MSL2: variants seen among roughly 807,000 people sequenced by gnomAD.
MSL2 encodes the protein MSL complex subunit 2.
Under a neutral mutation model 35.8 loss-of-function variants are expected in MSL2, and 2 were observed. The ratio of observed to expected loss-of-function variants is 0.06; its 90% CI spans 0.02 to 0.18. The LOEUF (loss-of-function observed/expected upper bound fraction) is 0.18, where lower values mean the gene tolerates loss of function less well. Ranked by LOEUF, MSL2 falls within the 10% of genes least tolerant of loss-of-function variation. The pLI, the probability that MSL2 is intolerant of heterozygous loss-of-function variation, is 1.00. For missense variants in MSL2, 523 were observed against 706.7 expected, an observed-to-expected ratio of 0.74 and a Z score of 2.95; for synonymous variants, 296 against 255.7, an observed-to-expected ratio of 1.16 and a Z score of -1.50.
chr3:136,183,577 C>G (rs1408785932), intron 1 of MSL2, among the ~76,000 whole-genome samples: 1 of 152,124 alleles, frequency 6.6e-6, no homozygotes, highest in Non-Finnish European at 1.5e-5. Context: ...ACGCACCAAC[C>G]ATGTCCAGCT....
intron 1 of MSL2, chr3:136,194,398 C>CTT: frequency 4.1e-6 from 4 of 985,184 alleles, no homozygotes; most frequent in Non-Finnish European, 4.8e-6. Flanking sequence ...GTCTCACCAG[C>CTT]TAAAAAGCAC....
At chr3:136,167,920 A>C (rs1175303495) in intron 1 of MSL2, among the ~76,000 whole-genome samples, 2 of 152,232 alleles carry the variant, frequency 1.3e-5, no homozygotes, top group Non-Finnish European at 2.9e-5. Context: ...CCTACAAAAG[A>C]CAGGAAACAG....
rs1285643932 is a variant in MSL2, at chr3:136,150,591, ACTG to A, written c.*553_*555del. 1 of 152,710 alleles carries A rather than the reference ACTG, an allele frequency of 6.5e-6. No individual in the cohort carries two copies. Among genetic ancestry groups the A allele is most frequent in the Non-Finnish European group, 1.5e-5 (1 of 68,114 alleles). 9.5% of individuals were successfully genotyped at this position (152,710 alleles called of 1,614,324 possible). On this transcript the variant is annotated 3_prime_UTR_variant, in exon 2 of 2. Coordinates refer to ENST00000309993, the MANE Select transcript of MSL2 (RefSeq NM_018133.4). Reference sequence around the variant, plus strand: ...ATGAGGGGGAATTTTTTTTCATAATACTGCTGATTTAAGAACTGCTACATACAC... The same window carrying A: ...ATGAGGGGGAATTTTTTTTCATAATACTGATTTAAGAACTGCTACATACAC...
intron 1 of MSL2, among the ~76,000 whole-genome samples, chr3:136,176,515 C>CAA (rs771021498): frequency 0.056 from 2,947 of 53,018 alleles, 70 homozygotes; most frequent in African/African-American, 0.095. Context: ...GACCCTCTCT[C>CAA]AAAAAAAAAA....
In MSL2 at chr3:136,178,962, G is replaced by GT. The variant is rs568589182; in HGVS notation, c.142+16009dup. Among the ~76,000 whole-genome samples the GT allele has an allele frequency of 3.4e-4, 48 of 140,688 alleles. No individual in the cohort carries two copies. The East Asian group carries it at 0.011, about 31-fold the overall frequency. The allele number at this position is 140,688 out of a possible 152,430, so 92.3% of individuals were successfully genotyped here. ...TCTGAGGATGCTGCCCAGGAATGTA[G>GT]TTATTTTGTTGGTTTTCTTTTTTTT... is the stretch of plus-strand genomic sequence containing the variant. On this transcript the variant is annotated intron_variant, in intron 1 of 1. Transcript: ENST00000309993.
At chr3:136,187,869 G>A (rs1940566476) in intron 1 of MSL2, among the ~76,000 whole-genome samples, 1 of 152,084 alleles carries the variant, frequency 6.6e-6, no homozygotes, top group Admixed American at 6.6e-5. Flanking sequence ...TCAGTCTGGT[G>A]TGATGATTAG....
chr3:136,168,439 C>G (rs543716283), intron 1 of MSL2, among the ~76,000 whole-genome samples: 53 of 152,192 alleles, frequency 3.5e-4, no homozygotes, highest in African/African-American at 1.1e-3. Context: ...CCATAAAAAA[C>G]GATGAGTTCA....
At chr3:136,171,533 C>CA (rs1428573766) in intron 1 of MSL2, among the ~76,000 whole-genome samples, 1 of 152,192 alleles carries the variant, frequency 6.6e-6, no homozygotes, top group East Asian at 1.9e-4. Context: ...GCAGCACACC[C>CA]ACTAGCTAAA....
At chr3:136,167,949 G>A (rs554846073) in intron 1 of MSL2, among the ~76,000 whole-genome samples, 2 of 150,882 alleles carry the variant, frequency 1.3e-5, no homozygotes, top group East Asian at 2.0e-4. Context: ...TTTTATTGAC[G>A]AGAACCACAT....
Position 136,151,589 on chromosome 3 carries a change from T to A in MSL2, c.1292A>T (p.Asp431Val), listed in dbSNP as rs989212101. ...AGGAATCTTTTCCTTTACTGCTTTG[T>A]CTTTTTTAAGAATACCTGGCTTGGT... ...SKTKPGILKK[D>V]KAVKEKIPSH... Residue 431 changes from aspartate (D) to valine (V), a missense_variant, in exon 2 of 2, where the codon GAC (aspartate) becomes GTC (valine). Physicochemically the swap from Asp to Val is radical, Grantham distance 152 (BLOSUM62 -3). Coordinates refer to ENST00000309993, the MANE Select transcript of MSL2 (RefSeq NM_018133.4). The surrounding 1 kb of genome is among the most constrained non-coding windows in gnomAD (Gnocchi z 5.2). 6.2e-7 allele frequency: 1 copy of A among 1,614,104 alleles called. No individual in the cohort carries two copies. Among genetic ancestry groups the A allele is most frequent in the African/African-American group, 1.3e-5 (1 of 74,944 alleles).
At chr3:136,163,442 T>C (rs1356951389) in intron 1 of MSL2, among the ~76,000 whole-genome samples, 1 of 152,136 alleles carries the variant, frequency 6.6e-6, no homozygotes, top group African/African-American at 2.4e-5. Flanking sequence ...TGAATACAGA[T>C]TACAGGATTG....
intron 1 of MSL2, among the ~76,000 whole-genome samples, chr3:136,160,075 C>T (rs1483422440): frequency 1.3e-5 from 2 of 151,606 alleles, no homozygotes; most frequent in Non-Finnish European, 2.9e-5. Context: ...AGTTCAAGAC[C>T]AGCCTGGCCA....
At chr3:136,187,747 A>T (rs1342052256) in intron 1 of MSL2, among the ~76,000 whole-genome samples, 1 of 152,084 alleles carries the variant, frequency 6.6e-6, no homozygotes, top group African/African-American at 2.4e-5. Flanking sequence ...ATCCTACTTA[A>T]ATATTGTTTT....
In MSL2 at chr3:136,195,004, T is replaced by A; in HGVS notation, c.110A>T (p.Tyr37Phe). The A allele has an allele frequency of 6.2e-7, 1 of 1,613,780 alleles. No homozygotes were observed. The highest frequency in any genetic ancestry group is 1.1e-5 in the South Asian group (1 of 91,060). Residue 37 changes from tyrosine to phenylalanine, a missense_variant, in exon 1 of 2, where the codon TAC becomes TTC. By Grantham distance (22) the Tyr-to-Phe change is conservative. This residue lies in a region of MSL2 where 45 missense variants were observed against 47.5 expected (regional missense o/e 0.95). Coordinates refer to ENST00000309993, the MANE Select transcript of MSL2 (RefSeq NM_018133.4). ...ACAGCACGAAAGGGACTGTCGGAAG[T>A]AAGGCAAGAGCCTGTTAATCTCAGT... is the stretch of plus-strand genomic sequence containing the variant. ...AFTEINRLLP[Y>F]FRQSLSCCVC...
intron 1 of MSL2, among the ~76,000 whole-genome samples, chr3:136,156,627 G>A (rs1248199624): frequency 6.6e-6 from 1 of 152,188 alleles, no homozygotes; most frequent in Admixed American, 6.5e-5. Flanking sequence ...CACCTTGGGA[G>A]GCCAAGGCAG....
At chr3:136,180,788 GGGAGGGAGGGAGGGAGGGAGGGAA>G (rs1940324996) in intron 1 of MSL2, among the ~76,000 whole-genome samples, 1 of 44,190 alleles carries the variant, frequency 2.3e-5, no homozygotes, top group Non-Finnish European at 4.8e-5. Context: ...GAGGGAGGGA[GGGAGGGAGGGAGGGAGGGAGGGAA>G]GGAGGGAAGG....
Position 136,155,292 on chromosome 3 carries a change from G to A in MSL2, c.143-2554C>T, listed in dbSNP as rs146458845. ...GGCCAAGGCACATGGATCACCTGAC[G>A]TCAGGAGTTCAAGACCAGCCTGACC... On this transcript the variant is annotated intron_variant, in intron 1 of 1. Coordinates refer to ENST00000309993, the MANE Select transcript of MSL2 (RefSeq NM_018133.4). Among the ~76,000 whole-genome samples, 953 of 151,506 alleles carry A rather than the reference G, an allele frequency of 6.3e-3. 13 individuals are homozygous for A. The highest frequency in any genetic ancestry group is 0.022 in the African/African-American group (895 of 41,322).
In MSL2 at chr3:136,195,433, T is replaced by C. The variant is rs1271046799; in HGVS notation, c.-320A>G. The C allele has an allele frequency of 1.9e-6, 2 of 1,058,898 alleles. No individual in the cohort carries two copies. The highest frequency in any genetic ancestry group is 3.5e-5 in the South Asian group (1 of 28,786). The allele number at this position is 1,058,898 out of a possible 1,614,324, so 65.6% of individuals were successfully genotyped here. ...GCTCGGGGCGGGACTCGGAGCTCAG[T>C]CTAGCCCCGCGGCTCGGCAGGCGGC... is the stretch of plus-strand genomic sequence containing the variant. On this transcript the variant is annotated 5_prime_UTR_variant, in exon 1 of 2. Transcript: ENST00000309993.
chr3:136,169,826 G>A (rs1422706383), intron 1 of MSL2, among the ~76,000 whole-genome samples: 3 of 151,962 alleles, frequency 2.0e-5, no homozygotes, highest in Admixed American at 6.6e-5. Flanking sequence ...GGAGGCCAAG[G>A]TGGATTGATC....
Sources: gnomAD v4.1 joint callset for allele counts (sites outside exome capture counted in the v4.1 genomes callset) on GRCh38, gnomAD v4.1.1 for gene constraint, gnomAD v4.1.1 regional missense constraint, Gnocchi (gnomAD v3.1) non-coding constraint, MANE v1.5 for transcripts, NCBI Gene and HGNC (gene_info 2026-07-23, HGNC 2026-07-21) for gene names.